HK3: variants seen among roughly 807,000 people sequenced by gnomAD.
The protein encoded by HK3 is hexokinase 3, also known as hexokinase-3.
A neutral mutation model predicts 91.0 loss-of-function variants in HK3; 93 were observed. The observed-to-expected ratio is 1.02, with a 90% CI of 0.86 to 1.21. The LOEUF is 1.21. Among genes scored for constraint, HK3 ranks in the 50% most tolerant of loss-of-function variants. The pLI, the probability that HK3 is intolerant of heterozygous loss-of-function variation, is 0.00. For missense variants in HK3, 1,235 were observed against 1,247.4 expected, an observed-to-expected ratio of 0.99 and a Z score of 0.15; for synonymous variants, 519 against 516.9, an observed-to-expected ratio of 1.00 and a Z score of -0.06.
At chr5:176,888,093 C>A (rs893195691) in intron 10 of HK3, among the ~76,000 whole-genome samples, 1 of 152,094 alleles carries the variant, frequency 6.6e-6, no homozygotes, top group Non-Finnish European at 1.5e-5. Context: ...GAAATCTGTT[C>A]TGTGCACCAG....
rs1446610162 is a variant in HK3 at position 176,884,244 on chromosome 5, G to A, written c.1858-110C>T. The A allele has an allele frequency of 1.1e-5, 10 of 885,350 alleles. No homozygotes were observed. The highest frequency in any genetic ancestry group is 1.7e-5 in the Non-Finnish European group (9 of 535,730). 54.8% of individuals were successfully genotyped at this position (885,350 alleles called of 1,614,324 possible). A position where few individuals can be genotyped will look rare whatever the true frequency, so the allele number is the denominator to read the frequency against. On this transcript the variant is annotated intron_variant, in intron 13 of 18. Coordinates refer to ENST00000292432, the MANE Select transcript of HK3 (RefSeq NM_002115.3). The surrounding 1 kb of genome is among the most constrained non-coding windows in gnomAD (Gnocchi z 4.1). ...AGCCTAGGCTTTCCACCCTCCCCAA[G>A]CACAATTCCTTGCCTACTTTGCTGT... is the stretch of plus-strand genomic sequence containing the variant.
intron 10 of HK3, among the ~76,000 whole-genome samples, chr5:176,888,129 CT>C (rs547620814): frequency 5.9e-4 from 90 of 152,284 alleles, no homozygotes; most frequent in Non-Finnish European, 1.0e-3. Flanking sequence ...TCGCCATGGC[CT>C]CCACCCTTGC....
chr5:176,889,812 G>A (rs1758717736), intron 6 of HK3, 68 bp from the exon 7 acceptor site: 2 of 1,329,108 alleles, frequency 1.5e-6, no homozygotes, highest in Non-Finnish European at 1.1e-6. Flanking sequence ...CAGGGGATGG[G>A]CAGGGCTGGG....
rs760074284 is a variant in HK3 at position 176,882,163 on chromosome 5, T to C, written c.2054-36A>G. On this transcript the variant is annotated intron_variant, in intron 15 of 18. Coordinates refer to ENST00000292432, the MANE Select transcript of HK3 (RefSeq NM_002115.3). ...GCCAGACAACGTGGAAGCTACTTACTGATGTAGACAAGGACCCTCTGAGCA... is the reference window on the plus strand; with the variant it reads ...GCCAGACAACGTGGAAGCTACTTACCGATGTAGACAAGGACCCTCTGAGCA... 3 of 1,608,274 alleles carry C rather than the reference T, an allele frequency of 1.9e-6. No individual in the cohort carries two copies. The South Asian group carries it at 3.3e-5, about 18-fold the overall frequency.
At position 176,896,105 on chromosome 5, in the gene HK3, A is replaced by T; in HGVS notation, c.55T>A (p.Ser19Thr). The change falls in exon 2 of 19, where the codon TCT becomes ACT. Residue 19 changes from serine to threonine, a missense_variant. Around this residue, in one of 3 missense-constraint regions of HK3, gnomAD observed 717 missense variants for 751.6 expected, o/e 0.95. Coordinates refer to ENST00000292432, the MANE Select transcript of HK3 (RefSeq NM_002115.3). ...GAGGGCCCGGGCAAGCCCTCCTCAG[A>T]GCAACTCAGGGTTTCTTCCCCCTGC... is the stretch of plus-strand genomic sequence containing the variant. ...LRQGEETLSC[S>T]EEGLPGPSDS... 6.2e-7 allele frequency: 1 copy of T among 1,613,472 alleles called. No homozygotes were observed. Among genetic ancestry groups the T allele is most frequent in the South Asian group, 1.1e-5 (1 of 91,002 alleles).
intron 8 of HK3, 57 bp from the exon 9 acceptor site, chr5:176,888,921 C>T: frequency 1.3e-6 from 2 of 1,574,102 alleles, no homozygotes; most frequent in Non-Finnish European, 1.7e-6. Flanking sequence ...GTCCACCTGG[C>T]CCTACCTCCA....
In HK3 at chr5:176,887,862, A is replaced by G. The variant is rs978480133; in HGVS notation, c.1305-116T>C. 3 of 1,041,640 alleles carry G rather than the reference A, an allele frequency of 2.9e-6. No individual in the cohort carries two copies. Among genetic ancestry groups the G allele is most frequent in the Admixed American group, 5.5e-5 (2 of 36,254 alleles). 64.5% of individuals were successfully genotyped at this position (1,041,640 alleles called of 1,614,324 possible). A position where few individuals can be genotyped will look rare whatever the true frequency, so the allele number is the denominator to read the frequency against. On this transcript the variant is annotated intron_variant, in intron 10 of 18. Transcript: ENST00000292432. The surrounding 1 kb of genome is among the most constrained non-coding windows in gnomAD (Gnocchi z 4.9). ...ACAGGTGTGCCCAGCTTGGCCCCAG[A>G]CCCCTAGGGCCTCCTGAAGCCCAAG...
At chr5:176,882,737 A>T (rs1381134241) in intron 15 of HK3, among the ~76,000 whole-genome samples, 1 of 152,214 alleles carries the variant, frequency 6.6e-6, no homozygotes, top group African/African-American at 2.4e-5. Flanking sequence ...GCACAGAAAG[A>T]AAAAGGCATT....
chr5:176,896,171 G>C lies in HK3; in HGVS notation c.-12C>G. 6.3e-7 allele frequency: 1 copy of C among 1,584,852 alleles called. No individual in the cohort carries two copies. The highest frequency in any genetic ancestry group is 8.6e-7 in the Non-Finnish European group (1 of 1,165,044). ...CCAATGGAGTCCATGAGCTTCCACAGTGGAAGGTGGCCACCTATGGGAGAA... is the reference window on the plus strand; with the variant it reads ...CCAATGGAGTCCATGAGCTTCCACACTGGAAGGTGGCCACCTATGGGAGAA... On this transcript the variant is annotated 5_prime_UTR_variant, in exon 2 of 19. Coordinates refer to ENST00000292432, the MANE Select transcript of HK3 (RefSeq NM_002115.3).
At position 176,896,116 on chromosome 5, in the gene HK3, G is replaced by T; in HGVS notation, c.44C>A (p.Thr15Asn). The stretch of plus-strand genomic sequence containing the variant: ...CAAGCCCTCCTCAGAGCAACTCAGG[G>T]TTTCTTCCCCCTGCCGCAACCCTGA... ...GSSGLRQGEE[T>N]LSCSEEGLPG... The change falls in exon 2 of 19, where the codon ACC (threonine) becomes AAC (asparagine). Residue 15 changes from threonine to asparagine, a missense_variant. Thr to Asn is a moderately conservative substitution (Grantham distance 65). This residue lies in a region of HK3 where 717 missense variants were observed against 751.6 expected (regional missense o/e 0.95). Transcript: ENST00000292432. 6 of 1,612,998 alleles carry T rather than the reference G, an allele frequency of 3.7e-6. No individual in the cohort carries two copies. The highest frequency in any genetic ancestry group is 5.1e-6 in the Non-Finnish European group (6 of 1,179,458).
chr5:176,881,761 C>G lies in HK3; in HGVS notation c.2324G>C (p.Arg775Pro), dbSNP rs770082005. ...LHLTSLGVLF[R>P]GQQIQRLQTR... is the part of the protein sequence containing the mutation. ...CTGAAGGCGCTGGATCTGCTGGCCC[C>G]GGAAGAGAACGCCAAGGCTGGTTAA... Residue 775 changes from arginine to proline, a missense_variant, in exon 17 of 19, where the codon CGG becomes CCG. This residue lies in a region of HK3 where 513 missense variants were observed against 477.4 expected (regional missense o/e 1.07). Transcript: ENST00000292432. The G allele has an allele frequency of 1.2e-6, 2 of 1,614,146 alleles. No individual in the cohort carries two copies. Among genetic ancestry groups the G allele is most frequent in the South Asian group, 1.1e-5 (1 of 91,082 alleles).
In HK3 at chr5:176,884,792, CA is replaced by C. The variant is rs1461877427; in HGVS notation, c.1858-659del. Among the ~76,000 whole-genome samples, 1 of 152,038 alleles carries C rather than the reference CA, an allele frequency of 6.6e-6. No individual in the cohort carries two copies. The highest frequency in any genetic ancestry group is 1.5e-5 in the Non-Finnish European group (1 of 68,018). ...AGTGTGCGTCCTCTGAGGGAGGGGG[CA>C]GGGGGAGCAGGAATTAGTCTACAGC... On this transcript the variant is annotated intron_variant, in intron 13 of 18. Transcript: ENST00000292432. This position sits in a 1 kb window ranked among gnomAD's most constrained non-coding sequence, Gnocchi z 4.1.
intron 15 of HK3, 141 bp from the exon 16 acceptor site, chr5:176,882,268 T>A: frequency 1.1e-6 from 1 of 892,492 alleles, no homozygotes; most frequent in Non-Finnish European, 1.7e-6. Flanking sequence ...GTCCTGGTCC[T>A]TCTTCCTTCC....
At chr5:176,883,148 C>G (rs975961223) in intron 15 of HK3, among the ~76,000 whole-genome samples, 1 of 152,206 alleles carries the variant, frequency 6.6e-6, no homozygotes, top group African/African-American at 2.4e-5. Flanking sequence ...TGGGCTTAAC[C>G]CTTGCTGAGT....
chr5:176,888,257 C>T (rs751867086), intron 10 of HK3, 75 bp downstream of exon 10: 4 of 1,290,800 alleles, frequency 3.1e-6, no homozygotes, highest in Non-Finnish European at 4.4e-6. Flanking sequence ...CATGTGATCC[C>T]AGAGGGCCCT....
chr5:176,882,298 C>T, intron 15 of HK3, 171 bp from the exon 16 acceptor site: 1 of 699,128 alleles, frequency 1.4e-6, no homozygotes, highest in South Asian at 1.8e-5. Flanking sequence ...TCGTGCAGAC[C>T]CTGCCAGCTC....
chr5:176,881,816 C>T lies in HK3; in HGVS notation c.2269G>A (p.Gly757Arg). Residue 757 changes from glycine (G) to arginine (R), a missense_variant, in exon 17 of 19, where the codon GGG becomes AGG. Physicochemically the swap from Gly to Arg is moderately radical, Grantham distance 125. Transcript: ENST00000292432. ...AAAAGGATGTGGCGGACGATCTCCC[C>T]CAGGTACATGCCGCTGATCATCTTT... ...FEKMISGMYL[G>R]EIVRHILLHL... The T allele has an allele frequency of 2.5e-6, 4 of 1,614,100 alleles. No individual in the cohort carries two copies. Among genetic ancestry groups the T allele is most frequent in the Non-Finnish European group, 3.4e-6 (4 of 1,180,016 alleles).
intron 1 of HK3, among the ~76,000 whole-genome samples, chr5:176,898,735 T>C (rs1362695122): frequency 6.6e-6 from 1 of 152,220 alleles, no homozygotes; most frequent in African/African-American, 2.4e-5. Context: ...TCTGTTTGCC[T>C]AAGGGCCCCG....
At chr5:176,883,740 A>G in intron 15 of HK3, 30 bp downstream of exon 15, 2 of 1,551,024 alleles carry the variant, frequency 1.3e-6, no homozygotes, top group Non-Finnish European at 1.8e-6. Context: ...GCCAAGCAGT[A>G]GGGGCATGAA....
Sources: allele counts gnomAD v4.1 joint callset (sites outside exome capture counted in the v4.1 genomes callset), GRCh38; gene constraint gnomAD v4.1.1; regional missense constraint gnomAD v4.1.1; non-coding constraint Gnocchi (gnomAD v3.1); transcripts MANE v1.5; gene names NCBI Gene and HGNC (gene_info 2026-07-23, HGNC 2026-07-21).